Variants in SLC41A3 observed in about 807,000 individuals in gnomAD.
The protein encoded by SLC41A3 is solute carrier family 41 member 3.
SLC41A3 carries 44 observed loss-of-function variants against 45.4 expected under a neutral mutation model. That is an observed-to-expected ratio of 0.97 (90% CI 0.76 to 1.25). The LOEUF is 1.25. SLC41A3 is among the 50% of genes most tolerant of loss of function. The pLI, the probability that SLC41A3 is intolerant of heterozygous loss-of-function variation, is 0.00. For synonymous variants in SLC41A3, 256 were observed against 252.4 expected (o/e 1.01, Z -0.13); for missense variants, 550 against 600.6 (o/e 0.92, Z 0.88).
chr3:126,059,263 GAAGAAAGA>G (rs1553740748), intron 2 of SLC41A3, among the ~76,000 whole-genome samples: 12 of 11,742 alleles, frequency 1.0e-3, no homozygotes, highest in African/African-American at 4.4e-3. Context: ...AAGAAAGAAA[GAAGAAAGA>G]AAGAAAGAAA....
At chr3:126,089,628 G>A (rs867037418) in intron 1 of SLC41A3, among the ~76,000 whole-genome samples, 94 of 152,160 alleles carry the variant, frequency 6.2e-4, no homozygotes, top group African/African-American at 1.9e-3. Flanking sequence ...ACTTCATATC[G>A]TTTGTGGAAC....
chr3:126,034,871 AT>A (rs1942069795), intron 3 of SLC41A3, among the ~76,000 whole-genome samples: 1 of 152,238 alleles, frequency 6.6e-6, no homozygotes, highest in Non-Finnish European at 1.5e-5. Flanking sequence ...TTCTCAAAAT[AT>A]TTTTTATCAT....
chr3:126,036,639 T>C (rs1942215067), intron 3 of SLC41A3, among the ~76,000 whole-genome samples: 1 of 149,506 alleles, frequency 6.7e-6, no homozygotes, highest in Admixed American at 6.7e-5. Context: ...GAATGAACCC[T>C]TCCTGAAACT....
intron 3 of SLC41A3, among the ~76,000 whole-genome samples, chr3:126,040,040 T>C (rs1037708456): frequency 1.3e-5 from 2 of 152,192 alleles, no homozygotes; most frequent in African/African-American, 2.4e-5. Context: ...ATATAAGGTG[T>C]GTACCTGGAG....
intron 8 of SLC41A3, among the ~76,000 whole-genome samples, chr3:126,015,144 C>T (rs1273328629): frequency 1.3e-5 from 2 of 152,224 alleles, no homozygotes; most frequent in African/African-American, 2.4e-5. Context: ...GCCAGCGCCC[C>T]GGTTCTGAAG....
chr3:126,016,217 T>C (rs1940261220), intron 7 of SLC41A3, among the ~76,000 whole-genome samples: 1 of 152,086 alleles, frequency 6.6e-6, no homozygotes, highest in Non-Finnish European at 1.5e-5. Context: ...AGCTGGAGGG[T>C]GGTGGACCTG....
chr3:126,079,725 A>G (rs1298177785), intron 1 of SLC41A3, among the ~76,000 whole-genome samples: 1 of 152,258 alleles, frequency 6.6e-6, no homozygotes, highest in Non-Finnish European at 1.5e-5. Flanking sequence ...CAGAAATAGA[A>G]AAAACAATTC....
At chr3:126,057,574 A>C (rs1416265732) in intron 2 of SLC41A3, among the ~76,000 whole-genome samples, 1 of 152,104 alleles carries the variant, frequency 6.6e-6, no homozygotes, top group Non-Finnish European at 1.5e-5. Flanking sequence ...CCCATCCCTA[A>C]ACTGTCGCCC....
intron 3 of SLC41A3, 43 bp from the exon 4 acceptor site, chr3:126,033,721 C>A (rs772849419): frequency 6.3e-7 from 1 of 1,590,786 alleles, no homozygotes; most frequent in Non-Finnish European, 8.6e-7. Flanking sequence ...TGGCTAGGCC[C>A]AAAGCCAGGT....
chr3:126,040,045 C>T (rs1227050050), intron 3 of SLC41A3, among the ~76,000 whole-genome samples: 1 of 152,114 alleles, frequency 6.6e-6, no homozygotes, highest in Non-Finnish European at 1.5e-5. Flanking sequence ...AGGTGTGTAC[C>T]TGGAGTATCT....
At chr3:126,033,300 G>A (rs568057709) in intron 4 of SLC41A3, among the ~76,000 whole-genome samples, 128 of 78,480 alleles carry the variant, frequency 1.6e-3, no homozygotes, top group African/African-American at 6.5e-3. Flanking sequence ...GGCAAGAGAA[G>A]CCTGTTAGCA....
chr3:126,025,426 G>A (rs1009401625), intron 5 of SLC41A3: 1 of 152,194 alleles, frequency 6.6e-6, no homozygotes, highest in African/African-American at 2.4e-5. Context: ...GAGGCAGCAA[G>A]ATGATGCAAC....
chr3:126,072,888 A>G lies in SLC41A3; in HGVS notation c.-27-4642T>C, dbSNP rs1474946032. ...TCAGCCTAATGCCTGTCAACAGAAG[A>G]CTGAATAAAGAATATGTAGTACATA... is the stretch of plus-strand genomic sequence containing the variant. On this transcript the variant is annotated intron_variant, in intron 1 of 10. Coordinates refer to ENST00000360370, the MANE Select transcript of SLC41A3 (RefSeq NM_017836.4). Among the ~76,000 whole-genome samples, 6 of 152,226 alleles carry G rather than the reference A, an allele frequency of 3.9e-5. No homozygotes were observed. In the East Asian group the frequency reaches 1.2e-3, roughly 29 times the overall value.
intron 2 of SLC41A3, among the ~76,000 whole-genome samples, chr3:126,066,624 C>T (rs1263612066): frequency 6.6e-6 from 1 of 152,050 alleles, no homozygotes; most frequent in East Asian, 1.9e-4. Flanking sequence ...TACCACTATG[C>T]GGGAGTTCAG....
intron 3 of SLC41A3, among the ~76,000 whole-genome samples, chr3:126,046,236 C>T (rs1408387563): frequency 6.6e-6 from 1 of 151,980 alleles, no homozygotes; most frequent in African/African-American, 2.4e-5. Context: ...ACTAAAAGTT[C>T]TGGTCAGAGA....
At chr3:126,036,817 C>T (rs1437526795) in intron 3 of SLC41A3, among the ~76,000 whole-genome samples, 1 of 152,156 alleles carries the variant, frequency 6.6e-6, no homozygotes, top group African/African-American at 2.4e-5. Context: ...GAAGATGGAA[C>T]ATCTGTTTTG....
chr3:126,040,731 C>A (rs1276389504), intron 3 of SLC41A3, among the ~76,000 whole-genome samples: 2 of 152,228 alleles, frequency 1.3e-5, no homozygotes, highest in Non-Finnish European at 2.9e-5. Flanking sequence ...GTTACTGGCA[C>A]AGTCTAGTCA....
In SLC41A3 at chr3:126,006,661, G is replaced by C. The variant is rs1939134034; in HGVS notation, c.*355C>G. ...CTCCACCCCAATCTGGGTTGCATGG[G>C]CATGGAAAAGAGCAAACACACCCTG... On this transcript the variant is annotated 3_prime_UTR_variant, in exon 11 of 11. Transcript: ENST00000360370. 6.7e-7 allele frequency: 1 copy of C among 1,495,108 alleles called. No homozygotes were observed. The highest frequency in any genetic ancestry group is 1.4e-5 in the South Asian group (1 of 71,454). 92.6% of individuals were successfully genotyped at this position (1,495,108 alleles called of 1,614,324 possible).
chr3:126,006,464 G>T lies in SLC41A3; in HGVS notation c.*552C>A, dbSNP rs367724353. 12 of 1,613,872 alleles carry T rather than the reference G, an allele frequency of 7.4e-6. No individual in the cohort carries two copies. The Admixed American group carries it at 1.8e-4, about 25-fold the overall frequency. On this transcript the variant is annotated 3_prime_UTR_variant, in exon 11 of 11. Coordinates refer to ENST00000360370, the MANE Select transcript of SLC41A3 (RefSeq NM_017836.4). ...GAAAATAAAAAGACAGCAAGGACAC[G>T]ATTAAATGTTGAGTGCAGATGAAGG...
Sources: gnomAD v4.1 joint callset for allele counts (sites outside exome capture counted in the v4.1 genomes callset) on GRCh38, gnomAD v4.1.1 for gene constraint, MANE v1.5 for transcripts, NCBI Gene and HGNC (gene_info 2026-07-23, HGNC 2026-07-21) for gene names.